The following PRTG variants were observed in gnomAD, a reference collection of about 807,000 sequenced individuals.
PRTG encodes the protein immunoglobulin superfamily, DCC subclass, member 5.
PRTG carries 67 observed loss-of-function variants against 122.5 expected under a neutral mutation model. That is an observed-to-expected ratio of 0.55 (90% CI 0.45 to 0.67). The LOEUF is 0.67. Among genes scored for constraint, PRTG ranks in the 30% least tolerant of loss-of-function variants. PRTG has a pLI of 0.00. For synonymous variants in PRTG, 554 were observed against 501.1 expected (o/e 1.11, Z -1.41); for missense variants, 1,435 against 1,415.4 (o/e 1.01, Z -0.22).
At chr15:55,732,226 TCAC>T (rs1334396356) in intron 2 of PRTG, among the ~76,000 whole-genome samples, 2 of 152,206 alleles carry the variant, frequency 1.3e-5, no homozygotes, top group Non-Finnish European at 2.9e-5. Flanking sequence ...TCTTACTCTG[TCAC>T]CCAGGCTAGA....
chr15:55,668,104 C>T (rs2059448876), intron 11 of PRTG, among the ~76,000 whole-genome samples: 1 of 152,134 alleles, frequency 6.6e-6, no homozygotes, highest in African/African-American at 2.4e-5. Context: ...AAATAAAATG[C>T]TGTATAGTTT....
At chr15:55,633,873 CACA>C (rs1365897549) in intron 15 of PRTG, among the ~76,000 whole-genome samples, 1 of 152,024 alleles carries the variant, frequency 6.6e-6, no homozygotes, top group South Asian at 2.1e-4. Context: ...TTCTTAAAAC[CACA>C]ACAACTAAGA....
At chr15:55,738,368 T>C (rs1400831093) in intron 2 of PRTG, 9 of 628,354 alleles carry the variant, frequency 1.4e-5, no homozygotes, top group African/African-American at 1.8e-5. Context: ...TCTGTGTTTT[T>C]CCAAAAGTGT....
At chr15:55,673,723 T>G (rs571151069) in intron 9 of PRTG, 47 bp from the exon 10 acceptor site, 1 of 1,458,400 alleles carries the variant, frequency 6.9e-7, no homozygotes, top group South Asian at 1.2e-5. Flanking sequence ...TAGAATCGAA[T>G]TGCCACTTAG....
chr15:55,637,287 C>T lies in PRTG; in HGVS notation c.2506G>A (p.Ala836Thr). Residue 836 changes from alanine (A) to threonine (T), a missense_variant, in exon 15 of 20, where the codon GCC becomes ACC. By Grantham distance (58) the Ala-to-Thr change is moderately conservative. Transcript: ENST00000389286. Reference sequence around the variant, plus strand: ...TCAGGGGGTTTCCAAGAAACCAGGGCAGTGTCATCCTCTATTAATGTCACT... The same window carrying T: ...TCAGGGGGTTTCCAAGAAACCAGGGTAGTGTCATCCTCTATTAATGTCACT... ...VKVTLIEDDT[A>T]LVSWKPPDGP... 1.9e-6 allele frequency: 3 copies of T among 1,613,918 alleles called. No homozygotes were observed. Among genetic ancestry groups the T allele is most frequent in the Non-Finnish European group, 2.5e-6 (3 of 1,179,926 alleles).
intron 11 of PRTG, among the ~76,000 whole-genome samples, chr15:55,641,425 C>G (rs936421118): frequency 6.6e-6 from 1 of 152,164 alleles, no homozygotes; most frequent in Non-Finnish European, 1.5e-5. Flanking sequence ...TTTACTTAAT[C>G]TAATTTCAAA....
At chr15:55,708,336 C>T (rs1165032042) in intron 2 of PRTG, among the ~76,000 whole-genome samples, 2 of 152,064 alleles carry the variant, frequency 1.3e-5, no homozygotes, top group Non-Finnish European at 2.9e-5. Context: ...AGGCCAGGCG[C>T]AGTGGCTCAT....
chr15:55,714,376 A>AC (rs1209101726), intron 2 of PRTG, among the ~76,000 whole-genome samples: 2 of 150,712 alleles, frequency 1.3e-5, no homozygotes, highest in African/African-American at 2.5e-5. Context: ...ACAGATGTGC[A>AC]CCCCCACCCC....
At chr15:55,623,393 C>A (rs2059177255) in intron 18 of PRTG, among the ~76,000 whole-genome samples, 1 of 152,138 alleles carries the variant, frequency 6.6e-6, no homozygotes, top group South Asian at 2.1e-4. Flanking sequence ...CACGGTGAAA[C>A]CCCATCTCTA....
At chr15:55,739,951 A>C in intron 2 of PRTG, among the ~76,000 whole-genome samples, 1 of 152,248 alleles carries the variant, frequency 6.6e-6, no homozygotes, top group East Asian at 1.9e-4. Flanking sequence ...GAGAAATGGA[A>C]GCCTGTGCTA....
intron 11 of PRTG, among the ~76,000 whole-genome samples, chr15:55,671,109 A>T (rs2059468311): frequency 6.6e-6 from 1 of 152,228 alleles, no homozygotes; most frequent in South Asian, 2.1e-4. Context: ...CACAGGATGA[A>T]GTTCTGTGTC....
chr15:55,719,816 T>C, intron 2 of PRTG, among the ~76,000 whole-genome samples: 1 of 152,096 alleles, frequency 6.6e-6, no homozygotes, highest in Non-Finnish European at 1.5e-5. Context: ...CCCAGCACTT[T>C]CGGAGGTCGA....
At chr15:55,646,845 G>A (rs889540730) in intron 11 of PRTG, among the ~76,000 whole-genome samples, 28 of 152,034 alleles carry the variant, frequency 1.8e-4, no homozygotes, top group African/African-American at 6.5e-4. Flanking sequence ...TTTTATTAGG[G>A]AGTCACCCTT....
chr15:55,643,527 G>A (rs2059304050), intron 11 of PRTG, among the ~76,000 whole-genome samples: 1 of 151,672 alleles, frequency 6.6e-6, no homozygotes, highest in South Asian at 2.1e-4. Context: ...TCAAACTCCT[G>A]AGCTCAGATG....
In PRTG at chr15:55,675,700, A is replaced by G; in HGVS notation, c.1382-17T>C. On this transcript the variant is annotated splice_polypyrimidine_tract_variant and intron_variant, in intron 8 of 19. Transcript: ENST00000389286. The stretch of plus-strand genomic sequence containing the variant: ...TATTTAAACCTAAATTAAAGAATCC[A>G]TGTTTTAAAATGACAGATATTCAAA... 6.8e-7 allele frequency: 1 copy of G among 1,464,632 alleles called. No homozygotes were observed. Among genetic ancestry groups the G allele is most frequent in the Non-Finnish European group, 9.5e-7 (1 of 1,051,318 alleles). 90.7% of individuals were successfully genotyped at this position (1,464,632 alleles called of 1,614,324 possible).
At chr15:55,641,498 T>C (rs1247371783) in intron 11 of PRTG, among the ~76,000 whole-genome samples, 1 of 152,212 alleles carries the variant, frequency 6.6e-6, no homozygotes, top group African/African-American at 2.4e-5. Flanking sequence ...CTTCCTTAAG[T>C]GGCAGATAGA....
chr15:55,638,779 T>C (rs2059272510), intron 13 of PRTG, 103 bp from the exon 14 acceptor site: 1 of 922,640 alleles, frequency 1.1e-6, no homozygotes, highest in South Asian at 1.8e-5. Context: ...TTATTTTTCA[T>C]TACCTCCTTA....
intron 11 of PRTG, among the ~76,000 whole-genome samples, chr15:55,670,140 G>A (rs963644835): frequency 6.6e-6 from 1 of 151,954 alleles, no homozygotes; most frequent in Non-Finnish European, 1.5e-5. Context: ...ACATACATGC[G>A]TGTGTGTGTA....
At chr15:55,638,055 T>C in intron 14 of PRTG, among the ~76,000 whole-genome samples, 1 of 152,206 alleles carries the variant, frequency 6.6e-6, no homozygotes, top group East Asian at 1.9e-4. Flanking sequence ...TCCTTCGTCC[T>C]CATTCTAGAG....
Sources: gnomAD v4.1 joint callset for allele counts (sites outside exome capture counted in the v4.1 genomes callset) on GRCh38, gnomAD v4.1.1 for gene constraint, MANE v1.5 for transcripts, NCBI Gene and HGNC (gene_info 2026-07-23, HGNC 2026-07-21) for gene names.